The following CACNA1E variants were observed in gnomAD, a reference collection of about 807,000 sequenced individuals.
CACNA1E encodes the protein voltage-dependent R-type calcium channel subunit alpha-1E.
In CACNA1E, 40 loss-of-function variants were observed where a neutral mutation model predicts 259.2. The ratio of observed to expected loss-of-function variants is 0.15; its 90% CI spans 0.12 to 0.20. The LOEUF (loss-of-function observed/expected upper bound fraction) is 0.20. Among genes scored for constraint, CACNA1E ranks in the 10% least tolerant of loss-of-function variants. The probability of loss-of-function intolerance (pLI) is 1.00; values close to 1 mark genes in which losing one functional copy is unlikely to be tolerated. For missense variants in CACNA1E, 1,874 were observed against 3,040.1 expected, an observed-to-expected ratio of 0.62 and a Z score of 9.02; for synonymous variants, 1,104 against 1,138.5, an observed-to-expected ratio of 0.97 and a Z score of 0.61.
intron 2 of CACNA1E, among the ~76,000 whole-genome samples, chr1:181,414,980 T>C (rs764431149): frequency 2.0e-5 from 3 of 152,232 alleles, no homozygotes; most frequent in Non-Finnish European, 2.9e-5. Flanking sequence ...CAGGGTGACC[T>C]AATTAGTGGT....
intron 6 of CACNA1E, among the ~76,000 whole-genome samples, chr1:181,595,515 A>G (rs553473594): frequency 7.9e-5 from 12 of 152,284 alleles, no homozygotes; most frequent in Admixed American, 5.9e-4. Flanking sequence ...TGTTTTCAGC[A>G]GGCCTGTATC....
At chr1:181,774,536 G>A (rs950597374) in intron 37 of CACNA1E, among the ~76,000 whole-genome samples, 3 of 152,230 alleles carry the variant, frequency 2.0e-5, no homozygotes, top group Non-Finnish European at 2.9e-5. Context: ...AGGGGTGTTG[G>A]GGCCCCAGAC....
chr1:181,788,200 G>T (rs1239817839), intron 43 of CACNA1E, among the ~76,000 whole-genome samples: 1 of 152,160 alleles, frequency 6.6e-6, no homozygotes, highest in African/African-American at 2.4e-5. Context: ...TGATTGATTT[G>T]CTACTTGGAC....
intron 1 of CACNA1E, among the ~76,000 whole-genome samples, chr1:181,337,686 AG>A (rs1651818426): frequency 1.3e-5 from 2 of 152,148 alleles, no homozygotes; most frequent in Non-Finnish European, 2.9e-5. Context: ...CTAAAATGAG[AG>A]TATCTCATTT....
At chr1:181,474,804 C>T (rs1053827389) in intron 2 of CACNA1E, among the ~76,000 whole-genome samples, 2 of 152,064 alleles carry the variant, frequency 1.3e-5, no homozygotes, top group Non-Finnish European at 2.9e-5. Context: ...TATTTCAACT[C>T]CGTTTCTAAG....
intron 6 of CACNA1E, among the ~76,000 whole-genome samples, chr1:181,611,947 C>CA (rs1362870931): frequency 6.6e-6 from 1 of 152,030 alleles, no homozygotes; most frequent in Non-Finnish European, 1.5e-5. Context: ...ATACAGAAGG[C>CA]AAAAAAGATA....
At chr1:181,722,960 G>A (rs894202816) in intron 16 of CACNA1E, among the ~76,000 whole-genome samples, 6 of 152,194 alleles carry the variant, frequency 3.9e-5, no homozygotes, top group South Asian at 2.1e-4. Context: ...CTGATATTCT[G>A]GGGGTAGTCA....
intron 6 of CACNA1E, among the ~76,000 whole-genome samples, chr1:181,593,246 T>C (rs1404962817): frequency 1.3e-5 from 2 of 152,194 alleles, no homozygotes; most frequent in Admixed American, 1.3e-4. Flanking sequence ...AGTTAGCAGT[T>C]TTTTTGTGCT....
At chr1:181,430,102 G>T (rs1331815211) in intron 2 of CACNA1E, among the ~76,000 whole-genome samples, 2 of 152,146 alleles carry the variant, frequency 1.3e-5, no homozygotes, top group East Asian at 3.9e-4. Flanking sequence ...CAGTTAGAAG[G>T]CAACTGGAAC....
At chr1:181,508,174 T>TGTGTGTGTGTGA (rs1221577124) in intron 1 of CACNA1E, among the ~76,000 whole-genome samples, 2 of 151,778 alleles carry the variant, frequency 1.3e-5, no homozygotes, top group Non-Finnish European at 2.9e-5. Flanking sequence ...TGTGTGTGTG[T>TGTGTGTGTGTGA]GATGGGGTGT....
At chr1:181,658,938 G>A (rs937600214) in intron 7 of CACNA1E, among the ~76,000 whole-genome samples, 5 of 151,946 alleles carry the variant, frequency 3.3e-5, no homozygotes, top group African/African-American at 1.2e-4. Flanking sequence ...AGGAGGGGCC[G>A]TGGGTTCTCT....
intron 20 of CACNA1E, among the ~76,000 whole-genome samples, 193 bp from the exon 21 acceptor site, chr1:181,733,244 A>C (rs911956665): frequency 2.0e-5 from 3 of 152,232 alleles, no homozygotes; most frequent in African/African-American, 7.2e-5. Context: ...CGTGGATAGA[A>C]GGATGGGAAT....
chr1:181,619,288 C>T (rs1201984207), intron 6 of CACNA1E, among the ~76,000 whole-genome samples: 3 of 151,526 alleles, frequency 2.0e-5, no homozygotes, highest in African/African-American at 7.3e-5. Flanking sequence ...CTGAAGAAAG[C>T]TAGGGATTAA....
chr1:181,391,447 C>T (rs1656269353), intron 1 of CACNA1E, among the ~76,000 whole-genome samples: 1 of 152,116 alleles, frequency 6.6e-6, no homozygotes, highest in African/African-American at 2.4e-5. Flanking sequence ...ACCATGTTTA[C>T]ACTGGAGGCA....
intron 40 of CACNA1E, among the ~76,000 whole-genome samples, chr1:181,784,033 T>C (rs1165436903): frequency 6.6e-6 from 1 of 152,188 alleles, no homozygotes; most frequent in African/African-American, 2.4e-5. Context: ...TGGCTCACAA[T>C]AGGTATTCTA....
At chr1:181,650,560 C>T (rs537285248) in intron 6 of CACNA1E, among the ~76,000 whole-genome samples, 1 of 152,294 alleles carries the variant, frequency 6.6e-6, no homozygotes, top group South Asian at 2.1e-4. Flanking sequence ...GACTCCCAAG[C>T]TCTATTTCAA....
chr1:181,320,156 G>A lies in CACNA1E; in HGVS notation c.-15+2033G>A, dbSNP rs139853544. On this transcript the variant is annotated intron_variant, in intron 1 of 11. Transcript: ENST00000524607. ...CACAGAGTCACATGGTTGAGCTATC[G>A]GATCATCGCTGTCACAGCGCCTCCA... 3.6e-3 allele frequency among the ~76,000 whole-genome samples: 547 copies of A among 152,318 alleles called. 7 individuals are homozygous for A. The highest frequency in any genetic ancestry group is 0.012 in the African/African-American group (506 of 41,578).
intron 3 of CACNA1E, among the ~76,000 whole-genome samples, chr1:181,519,873 C>A (rs74130019): frequency 1.3e-5 from 2 of 152,070 alleles, no homozygotes; most frequent in African/African-American, 4.8e-5. Context: ...AATGACCTGG[C>A]GGCTCTGGGT....
upstream of CACNA1E, chr1:181,483,457 CT>C: frequency 3.4e-6 from 1 of 295,664 alleles, no homozygotes; most frequent in Non-Finnish European, 6.2e-6. Flanking sequence ...CCTCCAGAAA[CT>C]GGGCACCCCC....
Sources: gnomAD v4.1 joint callset for allele counts (sites outside exome capture counted in the v4.1 genomes callset) on GRCh38, gnomAD v4.1.1 for gene constraint, MANE v1.5 for transcripts, NCBI Gene and HGNC (gene_info 2026-07-23, HGNC 2026-07-21) for gene names.